PTPRN2: variants seen among roughly 807,000 people sequenced by gnomAD.
PTPRN2 encodes the protein protein tyrosine phosphatase receptor type N2.
In PTPRN2, 74 loss-of-function variants were observed where a neutral mutation model predicts 118.8. That is an observed-to-expected ratio of 0.62 (90% CI 0.52 to 0.76). The LOEUF is 0.76. Ranked by LOEUF, PTPRN2 falls within the 30% of genes least tolerant of loss-of-function variation. The pLI is 0.00. For synonymous variants in PTPRN2, 641 were observed against 608.0 expected (o/e 1.05, Z -0.80); for missense variants, 1,481 against 1,394.4 (o/e 1.06, Z -0.99).
At chr7:158,421,911 A>T (rs1374721098) in intron 2 of PTPRN2, among the ~76,000 whole-genome samples, 4 of 152,220 alleles carry the variant, frequency 2.6e-5, no homozygotes, top group African/African-American at 9.6e-5. Context: ...AGTTTGTCTT[A>T]ACCCTGAACA....
At chr7:158,398,652 C>T (rs1176554139) in intron 2 of PTPRN2, among the ~76,000 whole-genome samples, 1 of 152,170 alleles carries the variant, frequency 6.6e-6, no homozygotes, top group Non-Finnish European at 1.5e-5. Context: ...CACCTTTTCC[C>T]CACCCGCATT....
rs1183436138 is a variant in PTPRN2, at chr7:158,310,844, A to AGTCCC, written c.277+5974_277+5975insGGGAC. On this transcript the variant is annotated intron_variant, in intron 3 of 22. Transcript: ENST00000389418. Reference sequence around the variant, plus strand: ...CGAGCCCTGAGCCGGACAGAGCGCAAATCCCACGGAGGGCGAGCCCTGAGC... The same window carrying AGTCCC: ...CGAGCCCTGAGCCGGACAGAGCGCAAGTCCCATCCCACGGAGGGCGAGCCCTGAGC... Among the ~76,000 whole-genome samples the AGTCCC allele has an allele frequency of 3.8e-3, 191 of 50,752 alleles. 4 individuals are homozygous for AGTCCC. The highest frequency in any genetic ancestry group is 0.018 in the Middle Eastern group (2 of 110). 33.3% of individuals were successfully genotyped at this position (50,752 alleles called of 152,430 possible). A position where few individuals can be genotyped will look rare whatever the true frequency, so the allele number is the denominator to read the frequency against.
intron 10 of PTPRN2, among the ~76,000 whole-genome samples, chr7:158,095,569 A>T (rs1041162736): frequency 6.6e-6 from 1 of 152,050 alleles, no homozygotes; most frequent in Non-Finnish European, 1.5e-5. Flanking sequence ...AGAAAAACAG[A>T]GTCAAACCCA....
At chr7:158,050,292 A>G (rs1482241981) in intron 11 of PTPRN2, among the ~76,000 whole-genome samples, 1 of 152,260 alleles carries the variant, frequency 6.6e-6, no homozygotes, top group African/African-American at 2.4e-5. Flanking sequence ...GTTAGAATCA[A>G]TGAAAAACTT....
rs112748534 is a variant in PTPRN2, at chr7:158,489,540, G to A, written c.163+195C>T. On this transcript the variant is annotated intron_variant, in intron 2 of 22. Coordinates refer to ENST00000389418, the MANE Select transcript of PTPRN2 (RefSeq NM_002847.5). ...GGTTGGTGCGAGCGATGGGCGCCCA[G>A]AACCCGGGCAACCTCTTCTCCCCAC... 4.7e-3 allele frequency among the ~76,000 whole-genome samples: 719 copies of A among 152,330 alleles called. 11 individuals are homozygous for A. Among genetic ancestry groups the A allele is most frequent in the African/African-American group, 0.017 (695 of 41,578 alleles).
At chr7:157,575,992 C>CT (rs995296905) in intron 19 of PTPRN2, among the ~76,000 whole-genome samples, 1 of 152,062 alleles carries the variant, frequency 6.6e-6, no homozygotes, top group Non-Finnish European at 1.5e-5. Flanking sequence ...TTAAATGCTG[C>CT]TTTTTTTTCA....
rs555171005 is a variant in PTPRN2 at position 158,471,578 on chromosome 7, C to G, written c.163+18157G>C. Among the ~76,000 whole-genome samples, 387 of 152,218 alleles carry G rather than the reference C, an allele frequency of 2.5e-3. 1 individual carries two copies. The highest frequency in any genetic ancestry group is 8.5e-3 in the African/African-American group (353 of 41,534). ...TGGCAGGTGCCTGTAGTCCCAGCTA[C>G]TAGGGAGGCTGAGGCAGGAGAATCG... is the stretch of plus-strand genomic sequence containing the variant. On this transcript the variant is annotated intron_variant, in intron 2 of 22. Coordinates refer to ENST00000389418, the MANE Select transcript of PTPRN2 (RefSeq NM_002847.5).
rs1265196450 is a variant in PTPRN2 at position 158,438,904 on chromosome 7, C to T, written c.163+50831G>A. On this transcript the variant is annotated intron_variant, in intron 2 of 22. Transcript: ENST00000389418. The surrounding 1 kb of genome is among the most constrained non-coding windows in gnomAD (Gnocchi z 4.7). ...GGGAAAAGTCAAGCTGGGAACTGCT[C>T]AGGGCAAACCTGCCTCCCATTCTGT... Among the ~76,000 whole-genome samples the T allele has an allele frequency of 1.3e-5, 2 of 152,172 alleles. No homozygotes were observed. The highest frequency in any genetic ancestry group is 3.9e-4 in the East Asian group (2 of 5,182).
At chr7:158,387,419 G>A (rs140578227) in intron 2 of PTPRN2, among the ~76,000 whole-genome samples, 1 of 17,294 alleles carries the variant, frequency 5.8e-5, no homozygotes, top group Non-Finnish European at 1.2e-4. Flanking sequence ...CCAGAGAGCT[G>A]GAAGGCAGAT....
At chr7:158,391,347 C>T (rs1424228626) in intron 2 of PTPRN2, among the ~76,000 whole-genome samples, 1 of 152,192 alleles carries the variant, frequency 6.6e-6, no homozygotes. Context: ...CCTCTCCTGG[C>T]CAAGCTGCAC....
intron 2 of PTPRN2, among the ~76,000 whole-genome samples, chr7:158,328,794 C>G (rs1003455769): frequency 6.4e-5 from 2 of 31,282 alleles, no homozygotes; most frequent in Non-Finnish European, 1.2e-4. Flanking sequence ...GGCCTCCATT[C>G]CCCCCCCCCC....
chr7:157,657,986 G>A (rs1053267126), intron 13 of PTPRN2, among the ~76,000 whole-genome samples: 18 of 123,092 alleles, frequency 1.5e-4, no homozygotes, highest in Non-Finnish European at 2.2e-4. Context: ...CCACACACAC[G>A]TCACAGACAC....
intron 12 of PTPRN2, among the ~76,000 whole-genome samples, chr7:157,804,650 C>T (rs940206866): frequency 6.6e-6 from 1 of 152,190 alleles, no homozygotes; most frequent in Non-Finnish European, 1.5e-5. Context: ...CATACACACA[C>T]TTGCACACAC....
At chr7:158,155,108 C>G (rs10249575) in intron 6 of PTPRN2, among the ~76,000 whole-genome samples, 94,452 of 152,046 alleles carry the variant, frequency 0.62, 30,361 homozygotes, top group East Asian at 0.79. Flanking sequence ...AGTGCTCCAA[C>G]TGGGCTCTCA....
At chr7:158,421,022 T>C (rs867918436) in intron 2 of PTPRN2, among the ~76,000 whole-genome samples, 2 of 152,174 alleles carry the variant, frequency 1.3e-5, no homozygotes, top group Non-Finnish European at 2.9e-5. Context: ...CACAATATAC[T>C]CAGTTCTGCC....
At chr7:158,012,594 A>G (rs905002866) in intron 11 of PTPRN2, among the ~76,000 whole-genome samples, 1 of 152,220 alleles carries the variant, frequency 6.6e-6, no homozygotes, top group African/African-American at 2.4e-5. Context: ...CACCGCTTGA[A>G]GAACATGGTA....
intron 3 of PTPRN2, among the ~76,000 whole-genome samples, chr7:158,230,935 A>G (rs955910996): frequency 6.6e-6 from 1 of 152,230 alleles, no homozygotes; most frequent in African/African-American, 2.4e-5. Context: ...TAAACCAGCC[A>G]TATCTATAAA....
At chr7:158,343,950 A>C (rs561865528) in intron 2 of PTPRN2, among the ~76,000 whole-genome samples, 189 of 152,306 alleles carry the variant, frequency 1.2e-3, no homozygotes, top group Non-Finnish European at 2.2e-3. Flanking sequence ...CTCCCAAAGA[A>C]GACCAGTGAA....
intron 3 of PTPRN2, among the ~76,000 whole-genome samples, chr7:158,211,144 C>T (rs1043575224): frequency 3.3e-5 from 5 of 152,072 alleles, no homozygotes; most frequent in Non-Finnish European, 5.9e-5. Context: ...AAACTAGACT[C>T]CTATCTCTTC....
Sources: gnomAD v4.1 joint callset for allele counts (sites outside exome capture counted in the v4.1 genomes callset) on GRCh38, gnomAD v4.1.1 for gene constraint, Gnocchi (gnomAD v3.1) non-coding constraint, MANE v1.5 for transcripts, NCBI Gene and HGNC (gene_info 2026-07-23, HGNC 2026-07-21) for gene names.